KCNAB1: variants seen among roughly 807,000 people sequenced by gnomAD.
KCNAB1 encodes the protein voltage-gated potassium channel subunit beta-1.
In KCNAB1, 35 loss-of-function variants were observed where a neutral mutation model predicts 64.6. That is an observed-to-expected ratio of 0.54 (90% CI 0.41 to 0.72). The LOEUF (loss-of-function observed/expected upper bound fraction) is 0.72. KCNAB1 is among the 30% of genes least tolerant of loss of function. The probability of loss-of-function intolerance (pLI) is 0.00; values close to 1 mark genes in which losing one functional copy is unlikely to be tolerated. For synonymous variants in KCNAB1, 177 were observed against 183.8 expected (o/e 0.96, Z 0.30); for missense variants, 401 against 512.9 (o/e 0.78, Z 2.11).
intron 1 of KCNAB1, among the ~76,000 whole-genome samples, chr3:156,163,920 T>C (rs1462087925): frequency 1.3e-5 from 2 of 152,226 alleles, no homozygotes; most frequent in East Asian, 3.8e-4. Flanking sequence ...ACCTTGATGA[T>C]CTACAAGGTG....
chr3:156,255,525 CTG>C (rs1365434331), intron 1 of KCNAB1, among the ~76,000 whole-genome samples: 1 of 152,148 alleles, frequency 6.6e-6, no homozygotes. Context: ...AGCCTCTCTC[CTG>C]CTCCATCTTC....
intron 1 of KCNAB1, among the ~76,000 whole-genome samples, chr3:156,166,908 T>C (rs376630752): frequency 6.6e-6 from 1 of 152,332 alleles, no homozygotes; most frequent in East Asian, 1.9e-4. Context: ...AACCGGTTGA[T>C]GTTTATGGCG....
At chr3:156,390,179 G>A (rs3796166) in intron 1 of KCNAB1, among the ~76,000 whole-genome samples, 1 of 152,020 alleles carries the variant, frequency 6.6e-6, no homozygotes, top group African/African-American at 2.4e-5. Flanking sequence ...AGATCAGAAG[G>A]CTCTGGTAGA....
At chr3:156,218,589 A>G (rs896018084) in intron 1 of KCNAB1, among the ~76,000 whole-genome samples, 2 of 151,868 alleles carry the variant, frequency 1.3e-5, no homozygotes, top group African/African-American at 4.8e-5. Context: ...CGAAAACAAA[A>G]CCAGCACACT....
chr3:156,242,016 C>T (rs540475391), intron 1 of KCNAB1, among the ~76,000 whole-genome samples: 7 of 152,136 alleles, frequency 4.6e-5, no homozygotes, highest in South Asian at 2.1e-4. Context: ...CATCAACACC[C>T]TCCTATTTGG....
At chr3:156,236,295 A>G (rs116792203) in intron 1 of KCNAB1, among the ~76,000 whole-genome samples, 12 of 152,166 alleles carry the variant, frequency 7.9e-5, no homozygotes, top group Admixed American at 1.3e-4. Context: ...TCTGGGATAC[A>G]TGGCTAAACT....
chr3:156,157,991 G>A (rs1018415013), intron 1 of KCNAB1, among the ~76,000 whole-genome samples: 4 of 151,616 alleles, frequency 2.6e-5, no homozygotes, highest in South Asian at 2.1e-4. Flanking sequence ...GTGAAACCCC[G>A]TCTCTACTAA....
chr3:156,461,548 A>G (rs1006798687), intron 5 of KCNAB1, among the ~76,000 whole-genome samples: 2 of 152,210 alleles, frequency 1.3e-5, no homozygotes, highest in Non-Finnish European at 2.9e-5. Flanking sequence ...GGACTTTAAC[A>G]TATCTTTTTG....
In KCNAB1 at chr3:156,531,467, A is replaced by T; in HGVS notation, c.1140A>T (p.Glu380Asp). Reference protein sequence around the residue: ...SSVLLGSSTPEQLIENLGAIQ... With the variant: ...SSVLLGSSTPDQLIENLGAIQ... ...TGCTCCTGGGATCATCCACTCCTGA[A>T]CAACTCATTGAAAACCTTGGTGCCA... Residue 380 changes from glutamate (E) to aspartate (D), a missense_variant, in exon 13 of 14, where the codon GAA becomes GAT. Glu to Asp is a conservative substitution (Grantham distance 45). Transcript: ENST00000490337. The T allele has an allele frequency of 6.2e-7, 1 of 1,614,050 alleles. No individual in the cohort carries two copies.
intron 2 of KCNAB1, among the ~76,000 whole-genome samples, chr3:156,440,622 AAGAAATAGACTT>A (rs1716924530): frequency 6.6e-6 from 1 of 152,208 alleles, no homozygotes; most frequent in South Asian, 2.1e-4. Context: ...CTGCAAAGGG[AAGAAATAGACTT>A]AGAAATAGAC....
At chr3:156,397,217 CA>C (rs1713528068) in intron 1 of KCNAB1, among the ~76,000 whole-genome samples, 7 of 152,150 alleles carry the variant, frequency 4.6e-5, no homozygotes, top group Admixed American at 4.6e-4. Context: ...TTGAATCAGC[CA>C]CTGAACTTCT....
intron 1 of KCNAB1, among the ~76,000 whole-genome samples, chr3:156,314,349 G>A (rs1263319929): frequency 1.3e-5 from 2 of 152,192 alleles, no homozygotes; most frequent in African/African-American, 4.8e-5. Context: ...GTTACCAAGT[G>A]CTGATGTTTA....
chr3:156,427,189 AC>A (rs1170415334), intron 2 of KCNAB1, among the ~76,000 whole-genome samples: 2 of 152,158 alleles, frequency 1.3e-5, no homozygotes, highest in African/African-American at 4.8e-5. Context: ...GAGACAGGAG[AC>A]ACAGGAGGGA....
chr3:156,242,789 G>GTTTTTTTTTTT (rs76800600), intron 1 of KCNAB1, among the ~76,000 whole-genome samples: 1 of 128,196 alleles, frequency 7.8e-6, no homozygotes, highest in South Asian at 2.6e-4. Flanking sequence ...ATTTTTTCAA[G>GTTTTTTTTTTT]TTTTTTTTTT....
intron 8 of KCNAB1, among the ~76,000 whole-genome samples, chr3:156,484,343 C>G (rs1576926004): frequency 6.6e-6 from 1 of 151,980 alleles, no homozygotes; most frequent in East Asian, 1.9e-4. Context: ...CTTCTTTTTC[C>G]CTTAAGTTGT....
At chr3:156,273,220 G>A (rs938725733) in intron 1 of KCNAB1, among the ~76,000 whole-genome samples, 2 of 152,032 alleles carry the variant, frequency 1.3e-5, no homozygotes, top group African/African-American at 2.4e-5. Context: ...AGCTGCTCTG[G>A]CAGATGTCTA....
rs546939305 is a variant in KCNAB1 at position 156,425,712 on chromosome 3, G to C, written c.319+4053G>C. ...CAGACATTGGTTACAGAAGATACGA[G>C]GACAAGAGCATGGAGCCTGCCCTCA... On this transcript the variant is annotated intron_variant, in intron 2 of 13. Transcript: ENST00000490337. Among the ~76,000 whole-genome samples, 11 of 152,296 alleles carry C rather than the reference G, an allele frequency of 7.2e-5. 1 individual carries two copies. The highest frequency in any genetic ancestry group is 2.4e-4 in the African/African-American group (10 of 41,564).
intron 1 of KCNAB1, among the ~76,000 whole-genome samples, chr3:156,418,316 A>C (rs1372864216): frequency 1.3e-5 from 2 of 152,232 alleles, no homozygotes; most frequent in African/African-American, 4.8e-5. Context: ...TATTTGTGAA[A>C]ATTCTACATG....
chr3:156,531,443 GCTCCTGGGATCATCCA>G lies in KCNAB1; in HGVS notation c.1123_1138del (p.Gly375AsnfsTer16). ...TGAGAAATGAAGGTGTGAGTTCTGTGCTCCTGGGATCATCCACTCCTGAACAACTCATTGAAAACCT... is the reference window on the plus strand; with the variant it reads ...TGAGAAATGAAGGTGTGAGTTCTGTGCTCCTGAACAACTCATTGAAAACCT... On this transcript the variant is annotated frameshift_variant, in exon 13 of 14. Transcript: ENST00000490337. LOFTEE classifies it high-confidence loss of function. The G allele has an allele frequency of 6.2e-7, 1 of 1,614,128 alleles. No homozygotes were observed. Among genetic ancestry groups the G allele is most frequent in the Non-Finnish European group, 8.5e-7 (1 of 1,179,974 alleles).
Sources: allele counts gnomAD v4.1 joint callset (sites outside exome capture counted in the v4.1 genomes callset), GRCh38; gene constraint gnomAD v4.1.1; transcripts MANE v1.5; gene names NCBI Gene and HGNC (gene_info 2026-07-23, HGNC 2026-07-21).